The following MBNL1 variants were observed in gnomAD, a reference collection of about 807,000 sequenced individuals.
MBNL1 encodes muscleblind like splicing regulator 1, also known as muscleblind-like protein 1.
Under a neutral mutation model 42.2 loss-of-function variants are expected in MBNL1, and 8 were observed. The observed-to-expected ratio is 0.19, with a 90% CI of 0.11 to 0.34. MBNL1 has a LOEUF of 0.34. Ranked by LOEUF, MBNL1 falls within the 10% of genes least tolerant of loss-of-function variation. The pLI is 1.00. For missense variants in MBNL1, 309 were observed against 495.3 expected (o/e 0.62, Z 3.57); for synonymous variants, 169 against 173.9 (o/e 0.97, Z 0.22).
At chr3:152,411,573 A>G (rs762772772) in intron 2 of MBNL1, among the ~76,000 whole-genome samples, 16 of 152,196 alleles carry the variant, frequency 1.1e-4, no homozygotes, top group Non-Finnish European at 2.2e-4. Context: ...TATATTTCGC[A>G]TTAACCTAGC....
At chr3:152,293,394 A>G (rs1217016471) in intron 1 of MBNL1, among the ~76,000 whole-genome samples, 2 of 152,206 alleles carry the variant, frequency 1.3e-5, no homozygotes, top group African/African-American at 2.4e-5. Context: ...GCCTCCAGAA[A>G]TGCTAAGTTG....
intron 9 of MBNL1, among the ~76,000 whole-genome samples, 183 bp from the exon 10 acceptor site, chr3:152,462,202 C>T (rs959354333): frequency 6.6e-5 from 10 of 151,938 alleles, no homozygotes; most frequent in South Asian, 4.2e-4. Context: ...TTATTTCATT[C>T]GTGTAGAGAT....
At chr3:152,273,240 G>A (rs1157247142) in intron 1 of MBNL1, among the ~76,000 whole-genome samples, 1 of 152,182 alleles carries the variant, frequency 6.6e-6, no homozygotes, top group Non-Finnish European at 1.5e-5. Flanking sequence ...ATTGGCATAT[G>A]GCATTAACTG....
intron 2 of MBNL1, among the ~76,000 whole-genome samples, chr3:152,339,310 A>G (rs1204864558): frequency 2.0e-5 from 3 of 152,200 alleles, no homozygotes; most frequent in Non-Finnish European, 2.9e-5. Flanking sequence ...TTCACTACAT[A>G]TGGATATAAA....
In MBNL1 at chr3:152,251,777, G is replaced by T. The variant is rs546540248; in HGVS notation, n.333+7337G>T. On this transcript the variant is annotated intron_variant and non_coding_transcript_variant, in intron 2 of 2. Coordinates refer to the MBNL1 transcript ENST00000477171. ...TCCCACATTGTTAATGTTCATTTTT[G>T]TTGCCTAGTCAAGGTGTTGTCTGAT... 5.3e-5 allele frequency among the ~76,000 whole-genome samples: 8 copies of T among 151,978 alleles called. No individual in the cohort carries two copies. The Middle Eastern group carries it at 0.01, about 194-fold the overall frequency.
chr3:152,451,991 T>A (rs1281598259), intron 6 of MBNL1, among the ~76,000 whole-genome samples: 3 of 152,236 alleles, frequency 2.0e-5, no homozygotes, highest in Non-Finnish European at 4.4e-5. Flanking sequence ...TCTCTCAATA[T>A]CTATTACACG....
intron 3 of MBNL1, among the ~76,000 whole-genome samples, chr3:152,431,051 T>C (rs931445830): frequency 2.0e-5 from 3 of 152,226 alleles, no homozygotes; most frequent in African/African-American, 2.4e-5. Flanking sequence ...TTAGTAAAAA[T>C]GTATAGCTAA....
intron 1 of MBNL1, among the ~76,000 whole-genome samples, chr3:152,277,601 A>G (rs2046010056): frequency 6.6e-6 from 1 of 152,164 alleles, no homozygotes; most frequent in Non-Finnish European, 1.5e-5. Flanking sequence ...CTTTTGGTTA[A>G]TGGTTATCTG....
intron 1 of MBNL1, among the ~76,000 whole-genome samples, chr3:152,280,819 T>A (rs2048006980): frequency 6.6e-6 from 1 of 152,184 alleles, no homozygotes; most frequent in African/African-American, 2.4e-5. Context: ...CGTGTTGTTG[T>A]TTCCAAGATT....
chr3:152,336,433 A>G (rs6440796), intron 2 of MBNL1, among the ~76,000 whole-genome samples: 47,843 of 152,140 alleles, frequency 0.31, 7,878 homozygotes, highest in East Asian at 0.54. Flanking sequence ...GGCTTACACA[A>G]TCTTTCTGCA....
At chr3:152,256,832 T>C (rs375836363) in intron 2 of MBNL1, among the ~76,000 whole-genome samples, 6 of 152,168 alleles carry the variant, frequency 3.9e-5, no homozygotes, top group African/African-American at 1.2e-4. Context: ...GATTCTTCTA[T>C]TTCTGGTTCA....
At chr3:152,332,739 TGCGCGCGC>T (rs1229920740) in intron 2 of MBNL1, among the ~76,000 whole-genome samples, 1 of 115,646 alleles carries the variant, frequency 8.6e-6, no homozygotes, top group Non-Finnish European at 1.9e-5. Flanking sequence ...TGTGTGTGTG[TGCGCGCGC>T]GCATGCGCAC....
At chr3:152,366,433 G>A (rs1412150884) in intron 2 of MBNL1, among the ~76,000 whole-genome samples, 2 of 152,052 alleles carry the variant, frequency 1.3e-5, no homozygotes, top group East Asian at 1.9e-4. Context: ...TCATCTTGCC[G>A]AGTTCTGCAG....
At chr3:152,377,921 G>T (rs527311633) in intron 2 of MBNL1, among the ~76,000 whole-genome samples, 1 of 152,306 alleles carries the variant, frequency 6.6e-6, no homozygotes, top group South Asian at 2.1e-4. Flanking sequence ...TTTCTCATTA[G>T]TGTTATAACT....
rs2060621403 is a variant in MBNL1 at position 152,301,291 on chromosome 3, C to G, written c.174+924C>G. Among the ~76,000 whole-genome samples, 5 of 152,188 alleles carry G rather than the reference C, an allele frequency of 3.3e-5. No homozygotes were observed. The South Asian group carries it at 1.0e-3, about 32-fold the overall frequency. ...ACAAGGTCAAGACTAGAAATGTGTT[C>G]CTGGGTACTTTCAGCCTACTTGGTT... On this transcript the variant is annotated intron_variant, in intron 2 of 9. Coordinates refer to ENST00000324210, the MANE Select transcript of MBNL1 (RefSeq NM_021038.5).
At chr3:152,340,439 AT>A (rs575925832) in intron 2 of MBNL1, 27,164 of 1,277,990 alleles carry the variant, frequency 0.021, 229 homozygotes, top group Non-Finnish European at 0.025. Context: ...GTTCAGTTCC[AT>A]TTTTTTTTTA....
intron 2 of MBNL1, among the ~76,000 whole-genome samples, chr3:152,391,167 G>A (rs913318813): frequency 1.3e-5 from 2 of 152,146 alleles, no homozygotes; most frequent in African/African-American, 4.8e-5. Flanking sequence ...TGGCAAAATT[G>A]GGATTTGAAC....
intron 2 of MBNL1, among the ~76,000 whole-genome samples, chr3:152,251,605 TCA>T (rs1467979373): frequency 1.3e-5 from 2 of 152,056 alleles, no homozygotes; most frequent in African/African-American, 4.8e-5. Context: ...CTCTTTTTTT[TCA>T]TTTTAATAAA....
chr3:152,308,210 T>C (rs1305754676), intron 2 of MBNL1, among the ~76,000 whole-genome samples: 1 of 152,192 alleles, frequency 6.6e-6, no homozygotes, highest in East Asian at 1.9e-4. Flanking sequence ...CCCTGGTTAT[T>C]AATTAAACCC....
Sources: allele counts gnomAD v4.1 joint callset (sites outside exome capture counted in the v4.1 genomes callset), GRCh38; gene constraint gnomAD v4.1.1; transcripts MANE v1.5; gene names NCBI Gene and HGNC (gene_info 2026-07-23, HGNC 2026-07-21).